PTPRT: variants seen among roughly 807,000 people sequenced by gnomAD.
PTPRT encodes protein tyrosine phosphatase receptor type T.
PTPRT carries 56 observed loss-of-function variants against 176.8 expected under a neutral mutation model. The ratio of observed to expected loss-of-function variants is 0.32; its 90% CI spans 0.26 to 0.40. The LOEUF is 0.40. PTPRT is among the 10% of genes least tolerant of loss of function. The pLI, the probability that PTPRT is intolerant of heterozygous loss-of-function variation, is 1.00. For missense variants in PTPRT, 1,540 were observed against 1,908.2 expected (o/e 0.81, Z 3.60); for synonymous variants, 783 against 739.0 (o/e 1.06, Z -0.96).
Position 42,472,469 on chromosome 20 carries a change from C to G in PTPRT, c.1247G>C (p.Arg416Pro). The G allele has an allele frequency of 6.2e-7, 1 of 1,614,200 alleles. No homozygotes were observed. The highest frequency in any genetic ancestry group is 8.5e-7 in the Non-Finnish European group (1 of 1,180,034). The change falls in exon 8 of 31, where the codon CGC becomes CCC. Residue 416 changes from arginine to proline, a missense_variant. By Grantham distance (103) the Arg-to-Pro change is moderately radical. Around this residue, in one of 11 missense-constraint regions of PTPRT, gnomAD observed 79 missense variants for 80.0 expected, o/e 0.99. Transcript: ENST00000373187. ...QWEPFGYAVT[R>P]CHSYNLTVQY... is the part of the protein sequence containing the mutation. The stretch of plus-strand genomic sequence containing the variant: ...CACGGTGAGGTTGTAGCTATGGCAG[C>G]GGGTCACCGCGTAGCCGAAGGGCTC...
chr20:42,032,635 T>A, the PTPRT span, among the ~76,000 whole-genome samples: 3 of 152,188 alleles, frequency 2.0e-5, no homozygotes, highest in African/African-American at 7.2e-5. Context: ...CCCCTCCTTT[T>A]AAGTGTGGGC....
chr20:42,147,653 T>C (rs1002776296), intron 17 of PTPRT, among the ~76,000 whole-genome samples: 2 of 152,198 alleles, frequency 1.3e-5, no homozygotes, highest in African/African-American at 4.8e-5. Flanking sequence ...CACCCCAGCA[T>C]GCACCTATCC....
intron 9 of PTPRT, among the ~76,000 whole-genome samples, chr20:42,413,886 T>C (rs1196733438): frequency 6.6e-6 from 1 of 152,210 alleles, no homozygotes; most frequent in Non-Finnish European, 1.5e-5. Context: ...AGTCTTGCTC[T>C]GTCACCCAGG....
chr20:42,951,768 T>C (rs1345185340), intron 1 of PTPRT, among the ~76,000 whole-genome samples: 1 of 152,138 alleles, frequency 6.6e-6, no homozygotes, highest in Non-Finnish European at 1.5e-5. Context: ...TCAGCAGGCC[T>C]TGATAGCTGA....
At chr20:43,092,931 T>A (rs990755905) in intron 1 of PTPRT, among the ~76,000 whole-genome samples, 1 of 152,224 alleles carries the variant, frequency 6.6e-6, no homozygotes, top group African/African-American at 2.4e-5. Context: ...TGCTTTATAA[T>A]GTTGTTTGGG....
chr20:42,553,857 G>C (rs985009444), intron 7 of PTPRT, among the ~76,000 whole-genome samples: 1 of 152,122 alleles, frequency 6.6e-6, no homozygotes, highest in Non-Finnish European at 1.5e-5. Context: ...GCAGGATGGA[G>C]GGGAAAACTG....
intron 1 of PTPRT, chr20:42,968,750 GAA>G (rs1318295663): frequency 6.6e-6 from 1 of 152,204 alleles, no homozygotes; most frequent in African/African-American, 2.4e-5. Flanking sequence ...GACATCAGCT[GAA>G]GTCTCACAGC....
intron 18 of PTPRT, among the ~76,000 whole-genome samples, chr20:42,136,005 A>G (rs1271086145): frequency 6.6e-6 from 1 of 151,886 alleles, no homozygotes; most frequent in Non-Finnish European, 1.5e-5. Context: ...CACCCGAGAG[A>G]GAGGGTTCAC....
intron 1 of PTPRT, among the ~76,000 whole-genome samples, chr20:43,157,199 C>CAA (rs3032106): frequency 0.3 from 43,497 of 143,136 alleles, 6,536 homozygotes; most frequent in East Asian, 0.47. Flanking sequence ...ACTAAAAATA[C>CAA]AAAAAAAAAA....
intron 1 of PTPRT, among the ~76,000 whole-genome samples, chr20:42,916,567 T>A (rs1978773436): frequency 1.3e-5 from 2 of 152,214 alleles, no homozygotes; most frequent in South Asian, 4.1e-4. Flanking sequence ...TTAAACTAGT[T>A]TACAGTCCCA....
intron 7 of PTPRT, among the ~76,000 whole-genome samples, chr20:42,502,439 C>T (rs1448076438): frequency 7.2e-6 from 1 of 139,286 alleles, no homozygotes; most frequent in Non-Finnish European, 1.5e-5. Flanking sequence ...CACACACACA[C>T]ACACACACAT....
At chr20:42,985,671 A>C (rs1348945435) in intron 1 of PTPRT, among the ~76,000 whole-genome samples, 1 of 152,138 alleles carries the variant, frequency 6.6e-6, no homozygotes, top group Admixed American at 6.5e-5. Context: ...TATAGAATGA[A>C]GGTGGTAAAT....
chr20:42,920,044 G>A (rs1979041460), intron 1 of PTPRT, among the ~76,000 whole-genome samples: 1 of 152,170 alleles, frequency 6.6e-6, no homozygotes. Flanking sequence ...AGGTGGGGCA[G>A]TTTGCATTTT....
At chr20:42,614,592 C>G (rs1423451583) in intron 7 of PTPRT, among the ~76,000 whole-genome samples, 2 of 152,154 alleles carry the variant, frequency 1.3e-5, no homozygotes, top group Non-Finnish European at 2.9e-5. Context: ...CCATGCTCCT[C>G]TATTCCCTCA....
rs950228246 is a variant in PTPRT at position 42,225,979 on chromosome 20, T to C, written c.2342+10250A>G. Among the ~76,000 whole-genome samples, 7 of 152,310 alleles carry C rather than the reference T, an allele frequency of 4.6e-5. No individual in the cohort carries two copies. The East Asian group carries it at 1.2e-3, about 25-fold the overall frequency. On this transcript the variant is annotated intron_variant, in intron 15 of 30. Coordinates refer to ENST00000373187, the MANE Select transcript of PTPRT (RefSeq NM_007050.6). ...AATGTGTCATTTCTTTAAGGAAACATCTGGCATCTACTTTATACCAAAAAC... is the reference window on the plus strand; with the variant it reads ...AATGTGTCATTTCTTTAAGGAAACACCTGGCATCTACTTTATACCAAAAAC...
intron 7 of PTPRT, among the ~76,000 whole-genome samples, chr20:42,571,767 G>A (rs529401848): frequency 1.1e-4 from 16 of 152,136 alleles, no homozygotes; most frequent in African/African-American, 2.2e-4. Flanking sequence ...CCACTGCCCC[G>A]GGGCAGTCAT....
At chr20:42,956,900 T>C (rs1481740481) in intron 1 of PTPRT, among the ~76,000 whole-genome samples, 1 of 151,962 alleles carries the variant, frequency 6.6e-6, no homozygotes, top group African/African-American at 2.4e-5. Flanking sequence ...CAAAAATGAG[T>C]GTTCCTTCAT....
At chr20:42,907,860 A>G (rs1384059843) in intron 1 of PTPRT, among the ~76,000 whole-genome samples, 2 of 150,864 alleles carry the variant, frequency 1.3e-5, no homozygotes, top group East Asian at 3.9e-4. Context: ...AAATGGCAAA[A>G]TGATTTTCCA....
Position 42,756,647 on chromosome 20 carries a change from G to A in PTPRT, c.685-11C>T, listed in dbSNP as rs2076837533. 2.6e-6 allele frequency: 4 copies of A among 1,557,020 alleles called. No individual in the cohort carries two copies. The African/African-American group carries it at 5.5e-5, about 21-fold the overall frequency. On this transcript the variant is annotated splice_polypyrimidine_tract_variant and intron_variant, in intron 5 of 30. Coordinates refer to ENST00000373187, the MANE Select transcript of PTPRT (RefSeq NM_007050.6). The stretch of plus-strand genomic sequence containing the variant: ...CCTGCCATTCCATTGCTGCAGAACA[G>A]AGGAAGAGAGGGAGAGGAGGAATCA...
Sources: gnomAD v4.1 joint callset for allele counts (sites outside exome capture counted in the v4.1 genomes callset) on GRCh38, gnomAD v4.1.1 for gene constraint, gnomAD v4.1.1 regional missense constraint, MANE v1.5 for transcripts, NCBI Gene and HGNC (gene_info 2026-07-23, HGNC 2026-07-21) for gene names.